The following GRIA1 variants were observed in gnomAD, a reference collection of about 807,000 sequenced individuals.
The protein encoded by GRIA1 is glutamate ionotropic receptor AMPA type subunit 1.
In GRIA1, 31 loss-of-function variants were observed where a neutral mutation model predicts 99.2. That is an observed-to-expected ratio of 0.31 (90% CI 0.23 to 0.42). GRIA1 has a LOEUF of 0.42. GRIA1 is among the 10% of genes least tolerant of loss of function. The probability of loss-of-function intolerance (pLI) is 1.00; values close to 1 mark genes in which losing one functional copy is unlikely to be tolerated. For synonymous variants in GRIA1, 438 were observed against 432.4 expected, an observed-to-expected ratio of 1.01 and a Z score of -0.16; for missense variants, 782 against 1,157.5, an observed-to-expected ratio of 0.68 and a Z score of 4.71.
intron 11 of GRIA1, among the ~76,000 whole-genome samples, chr5:153,760,791 T>C (rs1421400751): frequency 6.6e-6 from 1 of 152,126 alleles, no homozygotes; most frequent in African/African-American, 2.4e-5. Flanking sequence ...AAAGCTATAG[T>C]AACCAAAACA....
intron 14 of GRIA1, among the ~76,000 whole-genome samples, chr5:153,795,134 C>A (rs1581669516): frequency 6.6e-6 from 1 of 152,102 alleles, no homozygotes; most frequent in South Asian, 2.1e-4. Context: ...GAGATACACA[C>A]CAAGGCTGGG....
At chr5:153,635,447 T>C (rs1450821875) in intron 2 of GRIA1, among the ~76,000 whole-genome samples, 5 of 152,234 alleles carry the variant, frequency 3.3e-5, no homozygotes. Context: ...GGCTGGTTCA[T>C]GTGCTAGTTC....
chr5:153,649,614 T>A (rs1242925500), intron 3 of GRIA1, among the ~76,000 whole-genome samples: 1 of 151,942 alleles, frequency 6.6e-6, no homozygotes, highest in Non-Finnish European at 1.5e-5. Flanking sequence ...CCTGCCACCA[T>A]GCCTGGCTAA....
intron 2 of GRIA1, among the ~76,000 whole-genome samples, chr5:153,568,499 T>C (rs1318172208): frequency 6.6e-6 from 1 of 152,188 alleles, no homozygotes; most frequent in Non-Finnish European, 1.5e-5. Flanking sequence ...TCAAATGGTT[T>C]TTTTTAATGG....
intron 7 of GRIA1, among the ~76,000 whole-genome samples, chr5:153,678,865 G>A (rs1328272583): frequency 6.6e-6 from 1 of 152,216 alleles, no homozygotes; most frequent in Non-Finnish European, 1.5e-5. Flanking sequence ...GGATGACCTT[G>A]AAACATTCAC....
intron 11 of GRIA1, among the ~76,000 whole-genome samples, chr5:153,712,623 T>C (rs770024570): frequency 7.7e-6 from 1 of 129,854 alleles, no homozygotes; most frequent in Non-Finnish European, 1.7e-5. Flanking sequence ...AGAAAGAGCC[T>C]GAGAGTAAAT....
intron 5 of GRIA1, among the ~76,000 whole-genome samples, chr5:153,664,130 T>C (rs543981472): frequency 6.6e-6 from 1 of 152,288 alleles, no homozygotes; most frequent in Non-Finnish European, 1.5e-5. Context: ...CCTATCCCTC[T>C]TTTTAAGACA....
chr5:153,742,380 ATTC>A (rs1239883437), intron 11 of GRIA1, among the ~76,000 whole-genome samples: 4 of 151,310 alleles, frequency 2.6e-5, no homozygotes, highest in African/African-American at 9.8e-5. Context: ...ACCTGTACTT[ATTC>A]TTATTCATTT....
At chr5:153,572,636 C>T (rs1303647989) in intron 2 of GRIA1, among the ~76,000 whole-genome samples, 1 of 152,174 alleles carries the variant, frequency 6.6e-6, no homozygotes, top group Non-Finnish European at 1.5e-5. Context: ...CACAGTTCTT[C>T]CTGGCTGGAA....
intron 2 of GRIA1, among the ~76,000 whole-genome samples, chr5:153,536,121 C>T (rs1456017135): frequency 6.6e-6 from 1 of 152,162 alleles, no homozygotes; most frequent in African/African-American, 2.4e-5. Context: ...TCTCAATTGT[C>T]CTTCCACACC....
In GRIA1 at chr5:153,802,350, T is replaced by C; in HGVS notation, c.2386-6T>C. On this transcript the variant is annotated splice_polypyrimidine_tract_variant and splice_region_variant and intron_variant, in intron 14 of 15. Transcript: ENST00000285900. ...CTCCCCTTCCTTTCCCTCCTCCTCT[T>C]CTTAGGACAAGACAAGCGCTCTGAG... The C allele has an allele frequency of 1.2e-6, 2 of 1,613,776 alleles. No individual in the cohort carries two copies. Among genetic ancestry groups the C allele is most frequent in the Non-Finnish European group, 1.7e-6 (2 of 1,179,810 alleles).
At chr5:153,755,215 G>C (rs1227920673) in intron 11 of GRIA1, among the ~76,000 whole-genome samples, 4 of 152,134 alleles carry the variant, frequency 2.6e-5, no homozygotes, top group African/African-American at 9.7e-5. Context: ...GAAAAGCTTT[G>C]GTGAGTTTTA....
At chr5:153,766,445 C>T (rs1216483785) in intron 12 of GRIA1, among the ~76,000 whole-genome samples, 1 of 152,238 alleles carries the variant, frequency 6.6e-6, no homozygotes, top group Non-Finnish European at 1.5e-5. Context: ...GCATAGACAA[C>T]ATGCACCAGT....
intron 2 of GRIA1, among the ~76,000 whole-genome samples, chr5:153,591,341 T>C (rs922955973): frequency 2.6e-5 from 4 of 152,212 alleles, no homozygotes; most frequent in Admixed American, 2.0e-4. Context: ...AAATGGCCAG[T>C]GTTTGTGGAG....
chr5:153,542,460 A>G (rs1240013963), intron 2 of GRIA1, among the ~76,000 whole-genome samples: 3 of 152,222 alleles, frequency 2.0e-5, no homozygotes, highest in Admixed American at 6.5e-5. Context: ...TGTATAATAA[A>G]TGACATCCCA....
At chr5:153,755,863 G>A (rs1209905956) in intron 11 of GRIA1, among the ~76,000 whole-genome samples, 1 of 152,184 alleles carries the variant, frequency 6.6e-6, no homozygotes, top group Non-Finnish European at 1.5e-5. Flanking sequence ...TTTTAAGAGT[G>A]TAGAACAGCA....
chr5:153,534,092 A>G (rs887405161), intron 2 of GRIA1, among the ~76,000 whole-genome samples: 1 of 152,198 alleles, frequency 6.6e-6, no homozygotes, highest in Admixed American at 6.5e-5. Flanking sequence ...GGTGCTTGCT[A>G]TGCTGCCTCG....
chr5:153,743,209 A>T (rs1761930864), intron 11 of GRIA1, among the ~76,000 whole-genome samples: 1 of 152,218 alleles, frequency 6.6e-6, no homozygotes, highest in African/African-American at 2.4e-5. Context: ...AGACACAAAA[A>T]AATGGCTTAA....
At chr5:153,609,960 T>C (rs1183258333) in intron 2 of GRIA1, among the ~76,000 whole-genome samples, 1 of 152,192 alleles carries the variant, frequency 6.6e-6, no homozygotes, top group Non-Finnish European at 1.5e-5. Context: ...GGAGGTTAAC[T>C]ATTTTATTAT....
Sources: allele counts gnomAD v4.1 joint callset (sites outside exome capture counted in the v4.1 genomes callset), GRCh38; gene constraint gnomAD v4.1.1; transcripts MANE v1.5; gene names NCBI Gene and HGNC (gene_info 2026-07-23, HGNC 2026-07-21).